The following NMRK1 variants were observed in gnomAD, a reference collection of about 807,000 sequenced individuals.
NMRK1 encodes nicotinamide riboside kinase 1.
NMRK1 carries 28 observed loss-of-function variants against 29.9 expected under a neutral mutation model. The observed-to-expected ratio is 0.94, with a 90% CI of 0.69 to 1.28. The LOEUF (loss-of-function observed/expected upper bound fraction) is 1.28, where lower values mean the gene tolerates loss of function less well. NMRK1 is among the 50% of genes most tolerant of loss of function. The pLI, the probability that NMRK1 is intolerant of heterozygous loss-of-function variation, is 0.00. For missense variants in NMRK1, 218 were observed against 233.1 expected (o/e 0.94, Z 0.42); for synonymous variants, 58 against 73.0 (o/e 0.79, Z 1.05).
At chr9:75,078,579 A>G (rs1016856554) in intron 2 of NMRK1, 30 of 1,259,064 alleles carry the variant, frequency 2.4e-5, no homozygotes, top group East Asian at 3.0e-5. Context: ...CCTGGGGCTC[A>G]TGTCTGTGAA....
chr9:75,081,761 T>C (rs11144217), intron 2 of NMRK1, among the ~76,000 whole-genome samples: 98,920 of 152,038 alleles, frequency 0.65, 34,706 homozygotes, highest in East Asian at 0.79. Flanking sequence ...TCTTTTACCA[T>C]GGTGGCTGAG....
chr9:75,061,442 A>G lies in NMRK1; in HGVS notation c.*106T>C, dbSNP rs2117944733. On this transcript the variant is annotated 3_prime_UTR_variant, in exon 9 of 9. Coordinates refer to ENST00000361092, the MANE Select transcript of NMRK1 (RefSeq NM_017881.3). ...CAATAAAAATCAAACATATGAAACA[A>G]TGGCTGTCATTGTACCACAGTATAC... 1 of 834,602 alleles carries G rather than the reference A, an allele frequency of 1.2e-6. No individual in the cohort carries two copies. Among genetic ancestry groups the G allele is most frequent in the South Asian group, 1.5e-5 (1 of 65,914 alleles). 51.7% of individuals were successfully genotyped at this position (834,602 alleles called of 1,614,324 possible).
intron 4 of NMRK1, among the ~76,000 whole-genome samples, chr9:75,072,608 C>T (rs1356527155): frequency 2.0e-5 from 3 of 152,002 alleles, no homozygotes; most frequent in Non-Finnish European, 2.9e-5. Flanking sequence ...AACTGGATGG[C>T]GAACTCAAGA....
chr9:75,080,717 C>T (rs921488055), intron 2 of NMRK1, among the ~76,000 whole-genome samples: 9 of 152,166 alleles, frequency 5.9e-5, no homozygotes, highest in East Asian at 3.9e-4. Flanking sequence ...GAGGGCAGAT[C>T]GCTCATGAAG....
chr9:75,077,623 T>A, intron 2 of NMRK1, 43 bp from the exon 3 acceptor site: 6 of 1,347,940 alleles, frequency 4.5e-6, no homozygotes, highest in South Asian at 3.7e-5. Context: ...GAAAATGCAT[T>A]AAAAATCATT....
At position 75,083,240 on chromosome 9, in the gene NMRK1, G is replaced by T; in HGVS notation, c.-35-90C>A. ...GAATCCTAAATTAGGAGCACCAGCT[G>T]AGAGGGGAGGATGACAGTGACCTTT... On this transcript the variant is annotated intron_variant, in intron 1 of 8. Transcript: ENST00000361092. 6 of 696,818 alleles carry T rather than the reference G, an allele frequency of 8.6e-6. No homozygotes were observed. In the South Asian group the frequency reaches 1.0e-4, roughly 12 times the overall value. The allele number at this position is 696,818 out of a possible 1,614,324, so 43.2% of individuals were successfully genotyped here.
intron 8 of NMRK1, among the ~76,000 whole-genome samples, chr9:75,062,428 G>A (rs2117958888): frequency 6.6e-6 from 1 of 151,932 alleles, no homozygotes; most frequent in African/African-American, 2.4e-5. Context: ...TGTTTCTTCT[G>A]TACTAAAGGG....
rs1564129290 is a variant in NMRK1, at chr9:75,069,806, CA to C, written c.324del (p.Asp109ThrfsTer10). ...AAATAGCTTCTATTCCATATAGTGT[CA>C]AGGGGCCTAAAATAACAGCATACTT... ...EGFLLFNYKPLDTIWNRSYFL... is the reference protein window; with the variant it reads ...EGFLLFNYKPXDTIWNRSYFL... On this transcript the variant is annotated frameshift_variant, in exon 6 of 9. Transcript: ENST00000361092. LOFTEE classifies it high-confidence loss of function. The C allele has an allele frequency of 6.2e-7, 1 of 1,612,902 alleles. No homozygotes were observed. The highest frequency in any genetic ancestry group is 8.5e-7 in the Non-Finnish European group (1 of 1,179,414).
At chr9:75,076,187 G>A (rs762987343) in intron 4 of NMRK1, among the ~76,000 whole-genome samples, 1 of 152,164 alleles carries the variant, frequency 6.6e-6, no homozygotes, top group Non-Finnish European at 1.5e-5. Context: ...AATACCCATC[G>A]ATGAATAAAT....
intron 7 of NMRK1, among the ~76,000 whole-genome samples, chr9:75,068,358 T>C (rs1823488506): frequency 6.6e-6 from 1 of 152,214 alleles, no homozygotes; most frequent in Admixed American, 6.5e-5. Context: ...TTATTGGCCT[T>C]ATAGGGTCTG....
At position 75,071,892 on chromosome 9, in the gene NMRK1, C is replaced by A. The variant is rs140548228; in HGVS notation, c.170-1850G>T. 3.1e-3 allele frequency among the ~76,000 whole-genome samples: 472 copies of A among 152,320 alleles called. 3 individuals are homozygous for A. The highest frequency in any genetic ancestry group is 5.0e-3 in the Non-Finnish European group (339 of 68,026). On this transcript the variant is annotated intron_variant, in intron 4 of 8. Coordinates refer to ENST00000361092, the MANE Select transcript of NMRK1 (RefSeq NM_017881.3). ...CTCCACTGCACACTGCCTCTTTCCA[C>A]CTGAGTACTGCCAGGTGGAGGCGAA... is the stretch of plus-strand genomic sequence containing the variant.
At chr9:75,078,363 C>T in intron 2 of NMRK1, 1 of 1,572,142 alleles carries the variant, frequency 6.4e-7, no homozygotes, top group South Asian at 1.2e-5. Context: ...CTCCTTTTCC[C>T]CATCTCTCTC....
At chr9:75,066,186 A>C (rs9722476) in intron 8 of NMRK1, 1 of 478,604 alleles carries the variant, frequency 2.1e-6, no homozygotes, top group Non-Finnish European at 4.1e-6. Flanking sequence ...CTAGGCATAA[A>C]TGAGTTAATC....
At chr9:75,083,048 T>A in intron 2 of NMRK1, 39 bp downstream of exon 2, 7 of 1,447,502 alleles carry the variant, frequency 4.8e-6, no homozygotes, top group Non-Finnish European at 6.8e-6. Context: ...TTGGACATCC[T>A]CAGTATCTTA....
At chr9:75,083,446 A>G (rs1355526560) in intron 1 of NMRK1, among the ~76,000 whole-genome samples, 1 of 152,230 alleles carries the variant, frequency 6.6e-6, no homozygotes, top group East Asian at 1.9e-4. Flanking sequence ...ACAGCGTGGT[A>G]TATGAAGTTT....
At chr9:75,065,793 TA>T (rs1405392672) in intron 8 of NMRK1, among the ~76,000 whole-genome samples, 1 of 152,220 alleles carries the variant, frequency 6.6e-6, no homozygotes, top group Non-Finnish European at 1.5e-5. Flanking sequence ...CATTGCTTTT[TA>T]GAAAACTATT....
chr9:75,064,631 C>T (rs1823233842), intron 8 of NMRK1, among the ~76,000 whole-genome samples: 1 of 152,178 alleles, frequency 6.6e-6, no homozygotes, highest in Non-Finnish European at 1.5e-5. Flanking sequence ...ATATGATGGG[C>T]TGATCCTGAA....
At chr9:75,077,808 G>A (rs1824091498) in intron 2 of NMRK1, among the ~76,000 whole-genome samples, 1 of 152,022 alleles carries the variant, frequency 6.6e-6, no homozygotes, top group Non-Finnish European at 1.5e-5. Context: ...GCTAATTTCT[G>A]TATTTTTAGT....
intron 1 of NMRK1, chr9:75,087,698 G>A (rs533120935): frequency 5.9e-5 from 9 of 152,164 alleles, no homozygotes; most frequent in Admixed American, 3.9e-4. Context: ...AACGCTAGAG[G>A]AATGAGACCA....
Sources: gnomAD v4.1 joint callset for allele counts (sites outside exome capture counted in the v4.1 genomes callset) on GRCh38, gnomAD v4.1.1 for gene constraint, MANE v1.5 for transcripts, NCBI Gene and HGNC (gene_info 2026-07-23, HGNC 2026-07-21) for gene names.